Variants in KAT6B observed in about 807,000 individuals in gnomAD.
KAT6B encodes the protein lysine acetyltransferase 6B.
In KAT6B, 10 loss-of-function variants were observed where a neutral mutation model predicts 187.5. That is an observed-to-expected ratio of 0.05 (90% CI 0.03 to 0.09). The LOEUF (loss-of-function observed/expected upper bound fraction) is 0.09. Ranked by LOEUF, KAT6B falls within the 10% of genes least tolerant of loss-of-function variation. The pLI, the probability that KAT6B is intolerant of heterozygous loss-of-function variation, is 1.00. For synonymous variants in KAT6B, 861 were observed against 926.8 expected, an observed-to-expected ratio of 0.93 and a Z score of 1.29; for missense variants, 1,952 against 2,558.9, an observed-to-expected ratio of 0.76 and a Z score of 5.12.
chr10:74,886,183 G>A (rs887224784), intron 3 of KAT6B, among the ~76,000 whole-genome samples: 3 of 152,176 alleles, frequency 2.0e-5, no homozygotes, highest in Non-Finnish European at 4.4e-5. Context: ...GGAACATTAG[G>A]TTACATTTGG....
intron 3 of KAT6B, among the ~76,000 whole-genome samples, chr10:74,879,940 C>T (rs1395813741): frequency 6.6e-6 from 1 of 152,008 alleles, no homozygotes; most frequent in Non-Finnish European, 1.5e-5. Context: ...ACTAAAAATA[C>T]AAAAATTAGC....
chr10:74,878,122 G>A (rs1179985429), intron 3 of KAT6B, among the ~76,000 whole-genome samples: 1 of 152,186 alleles, frequency 6.6e-6, no homozygotes, highest in Non-Finnish European at 1.5e-5. Flanking sequence ...GATGGTTTGT[G>A]TTTAGCAAAC....
intron 3 of KAT6B, among the ~76,000 whole-genome samples, chr10:74,903,741 T>C (rs1846559163): frequency 1.3e-5 from 2 of 152,192 alleles, no homozygotes; most frequent in South Asian, 4.1e-4. Context: ...ATGGGTGTTG[T>C]TTTAAGCCAC....
intron 3 of KAT6B, among the ~76,000 whole-genome samples, chr10:74,950,276 A>G (rs1840229069): frequency 6.6e-6 from 1 of 152,156 alleles, no homozygotes; most frequent in African/African-American, 2.4e-5. Context: ...GTATAGAGAA[A>G]ATGGCGATAG....
intron 3 of KAT6B, among the ~76,000 whole-genome samples, chr10:74,954,201 T>G (rs986492321): frequency 6.6e-6 from 1 of 152,238 alleles, no homozygotes; most frequent in African/African-American, 2.4e-5. Flanking sequence ...TAGGGGCCTC[T>G]TATTGCCTCA....
At chr10:74,916,787 A>G (rs1053514024) in intron 3 of KAT6B, among the ~76,000 whole-genome samples, 1 of 152,160 alleles carries the variant, frequency 6.6e-6, no homozygotes, top group African/African-American at 2.4e-5. Flanking sequence ...TTTACCTTAT[A>G]TATCTGGGAA....
chr10:74,902,271 G>T (rs1447445799), intron 3 of KAT6B, among the ~76,000 whole-genome samples: 1 of 152,020 alleles, frequency 6.6e-6, no homozygotes, highest in Non-Finnish European at 1.5e-5. Context: ...TTGTTTCCTT[G>T]TTCACGTTCC....
chr10:74,904,988 T>C (rs1256502171), intron 3 of KAT6B, among the ~76,000 whole-genome samples: 5 of 152,156 alleles, frequency 3.3e-5, no homozygotes, highest in Admixed American at 6.5e-5. Context: ...TTACTAGATG[T>C]AGAAACTGGG....
chr10:75,028,007 C>T (rs376996882), intron 17 of KAT6B, among the ~76,000 whole-genome samples: 2 of 152,244 alleles, frequency 1.3e-5, no homozygotes, highest in East Asian at 3.9e-4. Context: ...TCATGTCTTC[C>T]AAGATCATTT....
chr10:74,891,904 G>A (rs1342174547), intron 3 of KAT6B, among the ~76,000 whole-genome samples: 6 of 152,210 alleles, frequency 3.9e-5, no homozygotes, highest in Non-Finnish European at 8.8e-5. Flanking sequence ...TCCACTATAG[G>A]TTGCCCAATA....
chr10:74,902,444 A>T (rs1488249778), intron 3 of KAT6B, among the ~76,000 whole-genome samples: 1 of 151,960 alleles, frequency 6.6e-6, no homozygotes, highest in Admixed American at 6.6e-5. Context: ...GCGTGTAGAT[A>T]TATATTTTCT....
At chr10:75,015,138 C>G (rs956704293) in intron 13 of KAT6B, among the ~76,000 whole-genome samples, 1 of 152,146 alleles carries the variant, frequency 6.6e-6, no homozygotes, top group African/African-American at 2.4e-5. Flanking sequence ...GATGTTGATG[C>G]CACAGGTCTC....
intron 8 of KAT6B, chr10:74,976,608 T>C (rs898450931): frequency 2.0e-6 from 1 of 495,120 alleles, no homozygotes; most frequent in Non-Finnish European, 3.7e-6. Flanking sequence ...ATAGCATTGC[T>C]TATGGCTTTG....
chr10:74,831,009 A>G (rs1318903407), intron 1 of KAT6B, among the ~76,000 whole-genome samples: 1 of 151,258 alleles, frequency 6.6e-6, no homozygotes, highest in Non-Finnish European at 1.5e-5. Flanking sequence ...GGCTTGTTTC[A>G]AACTCCTGAT....
intron 3 of KAT6B, among the ~76,000 whole-genome samples, chr10:74,894,838 T>C (rs1289257661): frequency 6.6e-6 from 1 of 152,178 alleles, no homozygotes; most frequent in Non-Finnish European, 1.5e-5. Flanking sequence ...TTAGGGTACT[T>C]CTACCTTTCG....
rs139836061 is a variant in KAT6B at position 74,973,414 on chromosome 10, T to A, written c.1061+775T>A. On this transcript the variant is annotated intron_variant, in intron 7 of 17. Coordinates refer to ENST00000287239, the MANE Select transcript of KAT6B (RefSeq NM_012330.4). ...AGCATTAAGGTGTTTACGAATGGGA[T>A]CAGTAGACTTGCACATCTATAGCAG... Among the ~76,000 whole-genome samples, 58 of 152,322 alleles carry A rather than the reference T, an allele frequency of 3.8e-4. 2 individuals carry two copies. In the East Asian group the frequency reaches 0.011, roughly 28 times the overall value.
chr10:74,852,794 A>G (rs893027556), intron 3 of KAT6B, among the ~76,000 whole-genome samples: 5 of 152,192 alleles, frequency 3.3e-5, no homozygotes, highest in African/African-American at 9.7e-5. Context: ...GATAGATTTG[A>G]TAGTTGTGAT....
intron 15 of KAT6B, 137 bp downstream of exon 15, chr10:75,021,422 CCTAA>C: frequency 2.6e-6 from 2 of 780,628 alleles, no homozygotes; most frequent in Non-Finnish European, 4.3e-6. Context: ...ACTAATTTAT[CCTAA>C]CTGAGGTTGC....
At chr10:75,028,149 C>T (rs1846015750) in intron 17 of KAT6B, among the ~76,000 whole-genome samples, 1 of 152,136 alleles carries the variant, frequency 6.6e-6, no homozygotes, top group African/African-American at 2.4e-5. Context: ...CCCTATATTT[C>T]CTAATTTGTA....
Sources: allele counts gnomAD v4.1 joint callset (sites outside exome capture counted in the v4.1 genomes callset), GRCh38; gene constraint gnomAD v4.1.1; transcripts MANE v1.5; gene names NCBI Gene and HGNC (gene_info 2026-07-23, HGNC 2026-07-21).